The following UHRF1 variants were observed in gnomAD, a reference collection of about 807,000 sequenced individuals.
UHRF1 encodes the protein ubiquitin like with PHD and ring finger domains 1, also known as E3 ubiquitin-protein ligase UHRF1.
UHRF1 carries 9 observed loss-of-function variants against 96.5 expected under a neutral mutation model. The observed-to-expected ratio is 0.09, with a 90% CI of 0.06 to 0.16. The LOEUF is 0.16. Ranked by LOEUF, UHRF1 falls within the 10% of genes least tolerant of loss-of-function variation. The pLI is 1.00. For missense variants in UHRF1, 626 were observed against 1,131.1 expected (o/e 0.55, Z 6.40); for synonymous variants, 455 against 469.9 (o/e 0.97, Z 0.41).
chr19:4,920,899 G>A (rs996620060), intron 2 of UHRF1, among the ~76,000 whole-genome samples: 1 of 152,098 alleles, frequency 6.6e-6, no homozygotes, highest in Admixed American at 6.6e-5. Context: ...GCCAAGGCGG[G>A]TGGATCACGA....
chr19:4,944,219 C>T lies in UHRF1; in HGVS notation c.1161C>T (p.Ala387=). ...LRESKKKAKM[A]SATSSSQRDW... ...AGAGCAAGAAGAAGGCGAAGATGGC[C>T]TCGGCCACATCGTCCTCACAGCGGG... The change falls in exon 8 of 17, where the codon GCC becomes GCT. Residue 387 remains alanine (A), a synonymous_variant. Coordinates refer to ENST00000650932, the MANE Select transcript of UHRF1 (RefSeq NM_001048201.3). 3 of 1,614,074 alleles carry T rather than the reference C, an allele frequency of 1.9e-6. No homozygotes were observed. The highest frequency in any genetic ancestry group is 2.5e-6 in the Non-Finnish European group (3 of 1,179,904).
intron 5 of UHRF1, among the ~76,000 whole-genome samples, chr19:4,939,311 C>T (rs1162833800): frequency 6.6e-6 from 1 of 150,456 alleles, no homozygotes; most frequent in Admixed American, 6.7e-5. Context: ...ACTCCTGCCT[C>T]AGCCTCCCAA....
At chr19:4,947,236 T>A in intron 11 of UHRF1, 25 bp downstream of exon 11, 1 of 1,594,370 alleles carries the variant, frequency 6.3e-7, no homozygotes, top group Non-Finnish European at 8.6e-7. Context: ...CCTTCTTATT[T>A]CCTTGCTGAT....
At chr19:4,906,387 A>C (rs2032064719), upstream of UHRF1, among the ~76,000 whole-genome samples, 1 of 152,170 alleles carries the variant, frequency 6.6e-6, no homozygotes, top group Admixed American at 6.6e-5. Context: ...GGAGGGCTAG[A>C]TACCTCCTCT....
chr19:4,948,389 A>G (rs2033629377), intron 11 of UHRF1, among the ~76,000 whole-genome samples: 1 of 152,230 alleles, frequency 6.6e-6, no homozygotes, highest in Non-Finnish European at 1.5e-5. Flanking sequence ...AACATTATAA[A>G]TATATTACAT....
At chr19:4,959,610 C>A (rs17884521) in intron 16 of UHRF1, among the ~76,000 whole-genome samples, 3 of 152,214 alleles carry the variant, frequency 2.0e-5, no homozygotes, top group African/African-American at 7.2e-5. Flanking sequence ...TCCCCAGGCA[C>A]GACTTGGTTG....
At chr19:4,949,320 A>C (rs2033655341) in intron 11 of UHRF1, among the ~76,000 whole-genome samples, 1 of 152,154 alleles carries the variant, frequency 6.6e-6, no homozygotes, top group African/African-American at 2.4e-5. Context: ...CTTTCTGGAA[A>C]TCTCTTCTGC....
intron 13 of UHRF1, among the ~76,000 whole-genome samples, chr19:4,952,089 A>AT (rs1377508296): frequency 1.3e-5 from 2 of 151,828 alleles, no homozygotes; most frequent in African/African-American, 4.8e-5. Flanking sequence ...TGGGAGTAGG[A>AT]TTTTTTTTGT....
chr19:4,904,190 T>G (rs746592747), intron 1 of UHRF1, among the ~76,000 whole-genome samples: 1 of 148,812 alleles, frequency 6.7e-6, no homozygotes, highest in Non-Finnish European at 1.5e-5. Context: ...TTTTTGTTTT[T>G]TTTTTGAGAT....
intron 2 of UHRF1, among the ~76,000 whole-genome samples, chr19:4,917,676 A>AAAG (rs2032569048): frequency 1.3e-5 from 2 of 150,376 alleles, no homozygotes; most frequent in Non-Finnish European, 3.0e-5. Context: ...AAAAAAAAAA[A>AAAG]AGAGACAAGG....
rs1555751167 is a variant in UHRF1 at position 4,938,748 on chromosome 19, T to TTG, written c.786-2779_786-2778insGT. Among the ~76,000 whole-genome samples, 55 of 132,150 alleles carry TTG rather than the reference T, an allele frequency of 4.2e-4. 1 individual carries two copies. Among genetic ancestry groups the TTG allele is most frequent in the African/African-American group, 1.3e-3 (46 of 34,472 alleles). 86.7% of individuals were successfully genotyped at this position (132,150 alleles called of 152,430 possible). On this transcript the variant is annotated intron_variant, in intron 5 of 16. Coordinates refer to ENST00000650932, the MANE Select transcript of UHRF1 (RefSeq NM_001048201.3). The stretch of plus-strand genomic sequence containing the variant: ...TGGTCAGGTTTTTTTTTTTTTTTTT[T>TTG]TTTTTTTTTTTTTGAGATAAGGTCT...
rs2033817875 is a variant in UHRF1, at chr19:4,954,944, T to G, written c.2130+122T>G. The G allele has an allele frequency of 2.4e-6, 3 of 1,274,886 alleles. No individual in the cohort carries two copies. The highest frequency in any genetic ancestry group is 2.2e-6 in the Non-Finnish European group (2 of 912,322). 79.0% of individuals were successfully genotyped at this position (1,274,886 alleles called of 1,614,324 possible). A position where few individuals can be genotyped will look rare whatever the true frequency, so the allele number is the denominator to read the frequency against. On this transcript the variant is annotated intron_variant, in intron 15 of 16. Transcript: ENST00000650932. This position sits in a 1 kb window ranked among gnomAD's most constrained non-coding sequence, Gnocchi z 5.9. ...CTCAGTCGCACTGAGTACATTCTTG[T>G]GGTTGTGCAACCATCACCACCATCA...
At chr19:4,907,607 T>C (rs574051936), upstream of UHRF1, among the ~76,000 whole-genome samples, 3 of 151,036 alleles carry the variant, frequency 2.0e-5, no homozygotes, top group Admixed American at 2.0e-4. Flanking sequence ...AGGTCAGAAG[T>C]CTGAAATAAA....
At chr19:4,947,490 C>CTTTTTTTTTTTTTTTTTTTTTTTTTT (rs985069179) in intron 11 of UHRF1, among the ~76,000 whole-genome samples, 3 of 57,860 alleles carry the variant, frequency 5.2e-5, no homozygotes, top group African/African-American at 6.7e-5. Context: ...TAATAGATAT[C>CTTTTTTTTTTTTTTTTTTTTTTTTTT]TTTTTTTTTT....
At chr19:4,949,133 A>G (rs202086288) in intron 11 of UHRF1, among the ~76,000 whole-genome samples, 1 of 151,980 alleles carries the variant, frequency 6.6e-6, no homozygotes, top group South Asian at 2.1e-4. Flanking sequence ...AAAAAAAAAA[A>G]AGAGAATATG....
At chr19:4,933,705 A>G (rs933093320) in intron 5 of UHRF1, among the ~76,000 whole-genome samples, 1 of 152,164 alleles carries the variant, frequency 6.6e-6, no homozygotes, top group Non-Finnish European at 1.5e-5. Context: ...CATACACGCC[A>G]AACCACACCG....
chr19:4,955,549 C>T (rs2033836357), intron 15 of UHRF1, among the ~76,000 whole-genome samples: 1 of 152,096 alleles, frequency 6.6e-6, no homozygotes, highest in Non-Finnish European at 1.5e-5. Context: ...GTGCAGGTCT[C>T]AGGATTCAGC....
At chr19:4,918,568 C>T (rs374079575) in intron 2 of UHRF1, among the ~76,000 whole-genome samples, 1 of 151,626 alleles carries the variant, frequency 6.6e-6, no homozygotes, top group African/African-American at 2.4e-5. Context: ...GCATGCACCA[C>T]CATGCCCGGC....
chr19:4,951,048 C>T (rs1005291624), intron 13 of UHRF1, 52 bp downstream of exon 13: 28 of 1,518,390 alleles, frequency 1.8e-5, no homozygotes, highest in Non-Finnish European at 2.5e-5. Flanking sequence ...GGATGGATCA[C>T]TTACGTTAGG....
Sources: allele counts gnomAD v4.1 joint callset (sites outside exome capture counted in the v4.1 genomes callset), GRCh38; gene constraint gnomAD v4.1.1; non-coding constraint Gnocchi (gnomAD v3.1); transcripts MANE v1.5; gene names NCBI Gene and HGNC (gene_info 2026-07-23, HGNC 2026-07-21).